CDCP1: variants seen among roughly 807,000 people sequenced by gnomAD.
The protein encoded by CDCP1 is CUB domain containing protein 1.
CDCP1 carries 29 observed loss-of-function variants against 60.2 expected under a neutral mutation model. That is an observed-to-expected ratio of 0.48 (90% CI 0.36 to 0.66). The LOEUF is 0.66. Among genes scored for constraint, CDCP1 ranks in the 30% least tolerant of loss-of-function variants. The pLI is 0.00. For synonymous variants in CDCP1, 387 were observed against 431.1 expected, an observed-to-expected ratio of 0.90 and a Z score of 1.27; for missense variants, 876 against 1,074.3, an observed-to-expected ratio of 0.82 and a Z score of 2.58.
chr3:45,107,367 C>G (rs1040107345), intron 4 of CDCP1, among the ~76,000 whole-genome samples: 1 of 151,968 alleles, frequency 6.6e-6, no homozygotes, highest in East Asian at 1.9e-4. Context: ...CCACCACGCC[C>G]GGCTAATTTT....
intron 2 of CDCP1, among the ~76,000 whole-genome samples, chr3:45,115,974 C>T (rs1043334599): frequency 3.9e-5 from 6 of 151,986 alleles, no homozygotes; most frequent in African/African-American, 1.2e-4. Context: ...TATTTTGCTT[C>T]GTATACTTTA....
rs1346463628 is a variant in CDCP1, at chr3:45,110,627, G to A, written c.870C>T (p.Thr290=). Residue 290 remains threonine, a synonymous_variant, in exon 4 of 9, where the codon ACC becomes ACT. Coordinates refer to ENST00000296129, the MANE Select transcript of CDCP1 (RefSeq NM_022842.5). ...RVEYYIPGST[T]NPEVFKLEDK... ...CCTCCAGCTTGAACACCTCGGGGTT[G>A]GTGGTGGAGCCCGGGATGTAGTATT... 1 of 1,614,186 alleles carries A rather than the reference G, an allele frequency of 6.2e-7. No individual in the cohort carries two copies. Among genetic ancestry groups the A allele is most frequent in the Non-Finnish European group, 8.5e-7 (1 of 1,180,034 alleles).
rs542744518 is a variant in CDCP1 at position 45,091,224 on chromosome 3, C to T, written c.1942G>A (p.Gly648Ser). The T allele has an allele frequency of 1.7e-5, 27 of 1,613,694 alleles. No individual in the cohort carries two copies. The highest frequency in any genetic ancestry group is 5.3e-5 in the African/African-American group (4 of 74,876). Residue 648 changes from glycine (G) to serine (S), a missense_variant, in exon 7 of 9, where the codon GGC becomes AGC. Gly to Ser is a moderately conservative substitution (Grantham distance 56). Around this residue, in one of 2 missense-constraint regions of CDCP1, gnomAD observed 726 missense variants for 935.7 expected, o/e 0.78. Coordinates refer to ENST00000296129, the MANE Select transcript of CDCP1 (RefSeq NM_022842.5). The surrounding 1 kb of genome is among the most constrained non-coding windows in gnomAD (Gnocchi z 4.8). ...VNISNCSPTS[G>S]KQLDLLFSVT... ...GAGAAGAGCAGGTCTAGCTGCTTGC[C>T]GCTCGTGGGGCTGCAGTTAGAGATG...
upstream of CDCP1, chr3:45,146,402 G>T (rs534460787): frequency 6.1e-5 from 52 of 852,586 alleles, 1 homozygote; most frequent in South Asian, 6.3e-4. Flanking sequence ...GCGCGCGGGC[G>T]GACCGGCCCG....
At chr3:45,113,322 C>G (rs905293461) in intron 2 of CDCP1, among the ~76,000 whole-genome samples, 3 of 152,164 alleles carry the variant, frequency 2.0e-5, no homozygotes. Flanking sequence ...TTAAGGCTAA[C>G]AGCTAATAAC....
intron 1 of CDCP1, among the ~76,000 whole-genome samples, chr3:45,127,176 T>C (rs906274663): frequency 6.6e-6 from 1 of 152,236 alleles, no homozygotes; most frequent in African/African-American, 2.4e-5. Context: ...CTGCAAATCC[T>C]CCTTCATGTC....
chr3:45,125,584 A>G (rs903258026), intron 1 of CDCP1, among the ~76,000 whole-genome samples: 1 of 152,260 alleles, frequency 6.6e-6, no homozygotes, highest in African/African-American at 2.4e-5. Flanking sequence ...GATATTATCA[A>G]TGATAGCATA....
chr3:45,091,468 C>T lies in CDCP1; in HGVS notation c.1698G>A (p.Arg566=). 2.5e-6 allele frequency: 4 copies of T among 1,610,738 alleles called. No individual in the cohort carries two copies. The highest frequency in any genetic ancestry group is 2.5e-6 in the Non-Finnish European group (3 of 1,178,406). The change falls in exon 7 of 9, where the codon CGG becomes CGA. Residue 566 remains arginine (R), a synonymous_variant. Transcript: ENST00000296129. This position sits in a 1 kb window ranked among gnomAD's most constrained non-coding sequence, Gnocchi z 4.8. ...KVYLRTPNWD[R]GLPSLTSVSW... ...ACACAGAGGTGAGGGATGGCAGGCC[C>T]CGGTCCCAGTTGGGGGTCCTCAGGT...
intron 8 of CDCP1, among the ~76,000 whole-genome samples, chr3:45,086,320 C>T (rs540556777): frequency 6.6e-6 from 1 of 152,302 alleles, no homozygotes; most frequent in South Asian, 2.1e-4. Flanking sequence ...AGAGAGGGCA[C>T]CTCTATCACT....
rs1698616188 is a variant in CDCP1, at chr3:45,108,726, T to TATATATGCATGTATAC, written c.1024+1746_1024+1747insGTATACATGCATATAT. Among the ~76,000 whole-genome samples the TATATATGCATGTATAC allele has an allele frequency of 4.8e-5, 5 of 104,510 alleles. 1 individual carries two copies. Among genetic ancestry groups the TATATATGCATGTATAC allele is most frequent in the Admixed American group, 2.8e-4 (3 of 10,632 alleles). 68.6% of individuals were successfully genotyped at this position (104,510 alleles called of 152,430 possible). On this transcript the variant is annotated intron_variant, in intron 4 of 8. Transcript: ENST00000296129. ...ATACATATATATATGCATGTATACA[T>TATATATGCATGTATAC]ATATATATGCATGTATACATATATA...
chr3:45,128,528 A>G (rs1437602277), intron 1 of CDCP1, among the ~76,000 whole-genome samples: 1 of 152,212 alleles, frequency 6.6e-6, no homozygotes, highest in East Asian at 1.9e-4. Context: ...TCTTAGATTA[A>G]TTACAGAAGA....
At chr3:45,088,853 G>T (rs368341880) in intron 8 of CDCP1, among the ~76,000 whole-genome samples, 14 of 151,966 alleles carry the variant, frequency 9.2e-5, no homozygotes, top group African/African-American at 3.4e-4. Flanking sequence ...TGTCACGTGT[G>T]TTTTATCCCC....
chr3:45,103,772 T>C (rs1308447660), intron 4 of CDCP1, among the ~76,000 whole-genome samples: 1 of 152,236 alleles, frequency 6.6e-6, no homozygotes, highest in Non-Finnish European at 1.5e-5. Flanking sequence ...ACTCCTCTGC[T>C]ATATTATGGC....
intron 4 of CDCP1, among the ~76,000 whole-genome samples, chr3:45,108,261 T>C (rs758037359): frequency 2.7e-4 from 41 of 152,208 alleles, no homozygotes; most frequent in Non-Finnish European, 5.7e-4. Context: ...AGATCAGAGT[T>C]CTCAGGCAGT....
Position 45,084,650 on chromosome 3 carries a change from C to T in CDCP1, c.*988G>A, listed in dbSNP as rs922573200. The T allele has an allele frequency of 8.5e-5, 13 of 152,708 alleles. No homozygotes were observed. Among genetic ancestry groups the T allele is most frequent in the African/African-American group, 2.9e-4 (12 of 41,582 alleles). The allele number at this position is 152,708 out of a possible 1,614,324, so 9.5% of individuals were successfully genotyped here. On this transcript the variant is annotated 3_prime_UTR_variant, in exon 9 of 9. Coordinates refer to ENST00000296129, the MANE Select transcript of CDCP1 (RefSeq NM_022842.5). ...CTCTGCTGACACCTTGATTTTCATTCAGGGACATCCATTTTGGAATTCTGA... is the reference window on the plus strand; with the variant it reads ...CTCTGCTGACACCTTGATTTTCATTTAGGGACATCCATTTTGGAATTCTGA...
At chr3:45,136,987 T>C (rs758928503) in intron 1 of CDCP1, among the ~76,000 whole-genome samples, 12 of 152,180 alleles carry the variant, frequency 7.9e-5, no homozygotes, top group Non-Finnish European at 1.3e-4. Context: ...ACTGGTGAAT[T>C]TGATGGTATG....
intron 8 of CDCP1, among the ~76,000 whole-genome samples, chr3:45,086,474 C>T (rs1364103500): frequency 6.6e-6 from 1 of 152,224 alleles, no homozygotes; most frequent in Admixed American, 6.5e-5. Context: ...CTAGGTCAAT[C>T]CTCCCGCACT....
chr3:45,131,890 G>A (rs1709532519), intron 1 of CDCP1, among the ~76,000 whole-genome samples: 1 of 152,102 alleles, frequency 6.6e-6, no homozygotes, highest in African/African-American at 2.4e-5. Flanking sequence ...CACTGCTGCG[G>A]GCAGGCCTGT....
chr3:45,105,539 A>T (rs1466343773), intron 4 of CDCP1, among the ~76,000 whole-genome samples: 1 of 152,168 alleles, frequency 6.6e-6, no homozygotes. Flanking sequence ...GATCACCCAG[A>T]AGCCCATGGG....
Sources: allele counts gnomAD v4.1 joint callset (sites outside exome capture counted in the v4.1 genomes callset), GRCh38; gene constraint gnomAD v4.1.1; regional missense constraint gnomAD v4.1.1; non-coding constraint Gnocchi (gnomAD v3.1); transcripts MANE v1.5; gene names NCBI Gene and HGNC (gene_info 2026-07-23, HGNC 2026-07-21).